Variants in PTPN14 observed in about 807,000 individuals in gnomAD.
The protein encoded by PTPN14 is protein tyrosine phosphatase non-receptor type 14, also known as tyrosine-protein phosphatase non-receptor type 14.
In PTPN14, 53 loss-of-function variants were observed where a neutral mutation model predicts 126.8. That is an observed-to-expected ratio of 0.42 (90% CI 0.34 to 0.53). The LOEUF (loss-of-function observed/expected upper bound fraction) is 0.53. Ranked by LOEUF, PTPN14 falls within the 20% of genes least tolerant of loss-of-function variation. The pLI, the probability that PTPN14 is intolerant of heterozygous loss-of-function variation, is 0.08. For missense variants in PTPN14, 1,257 were observed against 1,552.9 expected (o/e 0.81, Z 3.20); for synonymous variants, 630 against 599.3 (o/e 1.05, Z -0.75).
chr1:214,366,134 C>T (rs1322309972), intron 17 of PTPN14, among the ~76,000 whole-genome samples: 2 of 151,948 alleles, frequency 1.3e-5, no homozygotes, highest in African/African-American at 4.8e-5. Flanking sequence ...GCCAAGATCC[C>T]GCCACTGCAC....
intron 5 of PTPN14, among the ~76,000 whole-genome samples, chr1:214,408,798 G>C (rs545959941): frequency 2.6e-5 from 4 of 152,218 alleles, no homozygotes; most frequent in Admixed American, 2.6e-4. Context: ...TAAAGATCTG[G>C]AGCAGGACAT....
intron 1 of PTPN14, among the ~76,000 whole-genome samples, chr1:214,484,274 C>T (rs1661064080): frequency 6.6e-6 from 1 of 152,286 alleles, no homozygotes; most frequent in African/African-American, 2.4e-5. Flanking sequence ...CATGGCAGCA[C>T]ACACCTGTGG....
intron 4 of PTPN14, among the ~76,000 whole-genome samples, chr1:214,412,914 G>C (rs900350177): frequency 3.8e-4 from 58 of 152,222 alleles, no homozygotes; most frequent in African/African-American, 1.3e-3. Context: ...TTGTCATCTG[G>C]GCTGGGGTGT....
chr1:214,356,642 A>C lies in PTPN14; in HGVS notation c.*1280T>G, dbSNP rs1454731680. ...GTGGATTTTATGAAGAAAAGGAAAGAAGCACAGGGCTCTGCCAATGACAAT... is the reference window on the plus strand; with the variant it reads ...GTGGATTTTATGAAGAAAAGGAAAGCAGCACAGGGCTCTGCCAATGACAAT... On this transcript the variant is annotated 3_prime_UTR_variant, in exon 19 of 19. Coordinates refer to ENST00000366956, the MANE Select transcript of PTPN14 (RefSeq NM_005401.5). 2 of 152,364 alleles carry C rather than the reference A, an allele frequency of 1.3e-5. No homozygotes were observed. Among genetic ancestry groups the C allele is most frequent in the East Asian group, 1.9e-4 (1 of 5,190 alleles). The allele number at this position is 152,364 out of a possible 1,614,324, so 9.4% of individuals were successfully genotyped here.
At chr1:214,505,783 C>T (rs7521573) in intron 1 of PTPN14, among the ~76,000 whole-genome samples, 6,452 of 152,202 alleles carry the variant, frequency 0.042, 312 homozygotes, top group African/African-American at 0.13. Context: ...GTAGTCCCAG[C>T]TACTGGGGAG....
At chr1:214,459,861 C>A (rs1295161895) in intron 2 of PTPN14, among the ~76,000 whole-genome samples, 1 of 152,202 alleles carries the variant, frequency 6.6e-6, no homozygotes, top group African/African-American at 2.4e-5. Flanking sequence ...CCTCTGATGA[C>A]CTTACACTTC....
intron 1 of PTPN14, among the ~76,000 whole-genome samples, chr1:214,526,817 C>T (rs978623445): frequency 6.6e-6 from 1 of 152,148 alleles, no homozygotes; most frequent in African/African-American, 2.4e-5. Context: ...GTGGGCCGGG[C>T]GCGGTGGCTC....
At chr1:214,474,640 G>A (rs1660829547) in intron 1 of PTPN14, among the ~76,000 whole-genome samples, 1 of 152,154 alleles carries the variant, frequency 6.6e-6, no homozygotes, top group African/African-American at 2.4e-5. Flanking sequence ...CCCATCCATG[G>A]TGGTTAAAAA....
At chr1:214,363,820 G>A (rs867556878) in intron 18 of PTPN14, among the ~76,000 whole-genome samples, 2 of 152,138 alleles carry the variant, frequency 1.3e-5, no homozygotes, top group Non-Finnish European at 2.9e-5. Flanking sequence ...GCTTTTGACT[G>A]CTGTTTGTCT....
chr1:214,399,680 T>C (rs1257854636), intron 7 of PTPN14, among the ~76,000 whole-genome samples: 1 of 152,196 alleles, frequency 6.6e-6, no homozygotes, highest in African/African-American at 2.4e-5. Flanking sequence ...AGTGCAGGGA[T>C]ATTTTCTCGA....
intron 1 of PTPN14, chr1:214,532,331 C>A: frequency 3.7e-6 from 2 of 539,084 alleles, no homozygotes; most frequent in Non-Finnish European, 6.8e-6. Flanking sequence ...CCGTGTCCTG[C>A]TACACCAGCT....
chr1:214,365,151 T>C (rs550129577), intron 17 of PTPN14, among the ~76,000 whole-genome samples: 9 of 152,278 alleles, frequency 5.9e-5, no homozygotes, highest in Non-Finnish European at 1.2e-4. Flanking sequence ...CCCTCACTGA[T>C]GAGTGAATGT....
At chr1:214,537,222 A>T (rs999261967) in intron 1 of PTPN14, among the ~76,000 whole-genome samples, 1 of 152,204 alleles carries the variant, frequency 6.6e-6, no homozygotes, top group African/African-American at 2.4e-5. Context: ...TAGTTTAAAG[A>T]TGATACCTTT....
chr1:214,497,194 CAAA>C (rs541779527), intron 1 of PTPN14, among the ~76,000 whole-genome samples: 2 of 151,436 alleles, frequency 1.3e-5, no homozygotes, highest in Non-Finnish European at 2.9e-5. Flanking sequence ...ATGTAACAGA[CAAA>C]AAAAGTTAGT....
At chr1:214,391,501 T>C (rs908996742) in intron 10 of PTPN14, among the ~76,000 whole-genome samples, 2 of 152,132 alleles carry the variant, frequency 1.3e-5, no homozygotes, top group Non-Finnish European at 2.9e-5. Context: ...AGTGTGACCA[T>C]ATAAAGATAC....
intron 5 of PTPN14, among the ~76,000 whole-genome samples, chr1:214,404,156 A>G (rs949081450): frequency 1.4e-4 from 22 of 152,246 alleles, no homozygotes; most frequent in Non-Finnish European, 3.2e-4. Flanking sequence ...TGTGAAAAAC[A>G]TCCCATCTCA....
At position 214,384,040 on chromosome 1, in the gene PTPN14, C is replaced by T. The variant is rs747013835; in HGVS notation, c.1815G>A (p.Ser605=). 26 of 1,594,548 alleles carry T rather than the reference C, an allele frequency of 1.6e-5. No homozygotes were observed. Among genetic ancestry groups the T allele is most frequent in the African/African-American group, 1.2e-4 (9 of 74,706 alleles). The change falls in exon 13 of 19, where the codon TCG becomes TCA. Residue 605 remains serine (S), a synonymous_variant. Transcript: ENST00000366956. The surrounding 1 kb of genome is among the most constrained non-coding windows in gnomAD (Gnocchi z 5.3). ...PDLVTRKVQL[S]VKTFQEDSSP... ...AGCTGTCCTCTTGGAAGGTCTTCAC[C>T]GAGAGCTGCACCTTCCGGGTCACCA...
Position 214,383,448 on chromosome 1 carries a change from A to C in PTPN14, c.2407T>G (p.Ser803Ala). The change falls in exon 13 of 19, where the codon TCT (serine) becomes GCT (alanine). Residue 803 changes from serine (S) to alanine (A), a missense_variant. By Grantham distance (99) the Ser-to-Ala change is moderately conservative. Coordinates refer to ENST00000366956, the MANE Select transcript of PTPN14 (RefSeq NM_005401.5). The surrounding 1 kb of genome is among the most constrained non-coding windows in gnomAD (Gnocchi z 4.4). ...GGTTCCGAGATGGATGGGCCGAGAG[A>C]GGCCCCGTTGACAGCCGGCGGGTCA... ...RTDPPAVNGA[S>A]LGPSISEPDL... is the part of the protein sequence containing the mutation. 1 of 1,614,126 alleles carries C rather than the reference A, an allele frequency of 6.2e-7. No individual in the cohort carries two copies. Among genetic ancestry groups the C allele is most frequent in the African/African-American group, 1.3e-5 (1 of 75,030 alleles).
rs539073206 is a variant in PTPN14, at chr1:214,368,029, T to C, written c.3271+1428A>G. On this transcript the variant is annotated intron_variant, in intron 17 of 18. Transcript: ENST00000366956. ...TACACAGAAATTAATGAATTAGCCATTGAGCAAATTTCAGTTTCAAAAACT... is the reference window on the plus strand; with the variant it reads ...TACACAGAAATTAATGAATTAGCCACTGAGCAAATTTCAGTTTCAAAAACT... 2.6e-5 allele frequency among the ~76,000 whole-genome samples: 4 copies of C among 152,326 alleles called. No individual in the cohort carries two copies. The East Asian group carries it at 7.7e-4, about 29-fold the overall frequency.
Sources: gnomAD v4.1 joint callset for allele counts (sites outside exome capture counted in the v4.1 genomes callset) on GRCh38, gnomAD v4.1.1 for gene constraint, Gnocchi (gnomAD v3.1) non-coding constraint, MANE v1.5 for transcripts, NCBI Gene and HGNC (gene_info 2026-07-23, HGNC 2026-07-21) for gene names.